TMEM41B: variants seen among roughly 807,000 people sequenced by gnomAD.
The protein encoded by TMEM41B is protein stasimon.
Under a neutral mutation model 31.9 loss-of-function variants are expected in TMEM41B, and 18 were observed. The observed-to-expected ratio is 0.56, with a 90% confidence interval of 0.39 to 0.84. The LOEUF is 0.84. TMEM41B is among the 40% of genes least tolerant of loss of function. TMEM41B has a pLI of 0.00. For synonymous variants in TMEM41B, 144 were observed against 124.3 expected, an observed-to-expected ratio of 1.16 and a Z score of -1.05; for missense variants, 322 against 348.0, an observed-to-expected ratio of 0.93 and a Z score of 0.59.
chr11:9,299,812 T>C (rs2133633258), intron 1 of TMEM41B, 111 bp from the exon 2 acceptor site: 1 of 818,972 alleles, frequency 1.2e-6, no homozygotes, highest in Non-Finnish European at 2.0e-6. Context: ...TTGCCTAAAA[T>C]GATGTGACAT....
chr11:9,303,982 G>A (rs1298656514), intron 1 of TMEM41B, among the ~76,000 whole-genome samples: 1 of 151,988 alleles, frequency 6.6e-6, no homozygotes, highest in Non-Finnish European at 1.5e-5. Context: ...ATCAGTCCCT[G>A]TTATTCTAAC....
intron 1 of TMEM41B, among the ~76,000 whole-genome samples, chr11:9,305,712 C>G (rs113926498): frequency 9.6e-4 from 146 of 152,254 alleles, no homozygotes; most frequent in Non-Finnish European, 1.3e-3. Context: ...AATTAACTTG[C>G]CCCAGCCCAG....
intron 1 of TMEM41B, among the ~76,000 whole-genome samples, chr11:9,303,486 T>A (rs1034639002): frequency 2.6e-5 from 4 of 152,072 alleles, no homozygotes; most frequent in Non-Finnish European, 4.4e-5. Flanking sequence ...TAATTTCTGT[T>A]GAAATAAGAA....
At chr11:9,292,643 C>A (rs1032439948) in intron 3 of TMEM41B, among the ~76,000 whole-genome samples, 3 of 151,932 alleles carry the variant, frequency 2.0e-5, no homozygotes, top group African/African-American at 7.2e-5. Flanking sequence ...CCAGCCTGGG[C>A]AACATGATGA....
intron 3 of TMEM41B, among the ~76,000 whole-genome samples, chr11:9,293,669 C>G (rs962060031): frequency 7.2e-5 from 11 of 152,220 alleles, no homozygotes; most frequent in East Asian, 3.9e-4. Context: ...GCAACCTCCA[C>G]CTCCTGGGTT....
intron 2 of TMEM41B, among the ~76,000 whole-genome samples, chr11:9,299,339 C>CACACACACACACACACACAA (rs1406068782): frequency 7.0e-6 from 1 of 143,238 alleles, no homozygotes; most frequent in African/African-American, 2.6e-5. Flanking sequence ...CACACACACA[C>CACACACACACACACACACAA]ACACACGTGT....
intron 1 of TMEM41B, among the ~76,000 whole-genome samples, chr11:9,304,259 A>C (rs909739583): frequency 2.2e-4 from 33 of 152,306 alleles, no homozygotes; most frequent in African/African-American, 7.5e-4. Flanking sequence ...GAATCTTGTA[A>C]TAACAAATAC....
At chr11:9,296,704 AAAT>A (rs1853098062) in intron 2 of TMEM41B, among the ~76,000 whole-genome samples, 1 of 152,190 alleles carries the variant, frequency 6.6e-6, no homozygotes, top group South Asian at 2.1e-4. Flanking sequence ...ATGATAAACT[AAAT>A]AATAATTTAC....
rs996199918 is a variant in TMEM41B, at chr11:9,287,839, A to G, written c.463-33T>C. The G allele has an allele frequency of 5.3e-6, 8 of 1,511,118 alleles. No individual in the cohort carries two copies. In the Admixed American group the frequency reaches 1.5e-4, roughly 28 times the overall value. The allele number at this position is 1,511,118 out of a possible 1,614,324, so 93.6% of individuals were successfully genotyped here. On this transcript the variant is annotated intron_variant, in intron 4 of 6. Transcript: ENST00000528080. ...ACAAAAGAAGCCATAAGCGTTTTGTATTTTTCCGTCTTACTCACATTGATT... is the reference window on the plus strand; with the variant it reads ...ACAAAAGAAGCCATAAGCGTTTTGTGTTTTTCCGTCTTACTCACATTGATT...
intron 1 of TMEM41B, among the ~76,000 whole-genome samples, chr11:9,305,276 A>G (rs1346856932): frequency 6.6e-6 from 1 of 152,152 alleles, no homozygotes; most frequent in Non-Finnish European, 1.5e-5. Context: ...CAAGTAGTGT[A>G]TATTTTTTCA....
At chr11:9,291,568 A>G (rs1852960705) in intron 3 of TMEM41B, among the ~76,000 whole-genome samples, 1 of 150,672 alleles carries the variant, frequency 6.6e-6, no homozygotes, top group Admixed American at 6.6e-5. Flanking sequence ...CGCCCAGCTA[A>G]TTTTTTTTAT....
At chr11:9,297,424 T>A (rs761354955) in intron 2 of TMEM41B, among the ~76,000 whole-genome samples, 1 of 152,138 alleles carries the variant, frequency 6.6e-6, no homozygotes, top group Non-Finnish European at 1.5e-5. Flanking sequence ...CTGGGCGCAG[T>A]GGCCTAGGCC....
chr11:9,306,339 C>T (rs1853395331), intron 1 of TMEM41B, among the ~76,000 whole-genome samples: 1 of 151,986 alleles, frequency 6.6e-6, no homozygotes, highest in South Asian at 2.1e-4. Flanking sequence ...TCTGAATTAC[C>T]CTATTATGTG....
chr11:9,313,186 A>AT (rs1250024408), intron 1 of TMEM41B, among the ~76,000 whole-genome samples: 2 of 152,240 alleles, frequency 1.3e-5, no homozygotes, highest in Non-Finnish European at 1.5e-5. Context: ...TGATTTATAC[A>AT]TTAACAACGA....
rs1269393906 is a variant in TMEM41B at position 9,299,304 on chromosome 11, AAG to A, written c.239+278_239+279del. 4.0e-3 allele frequency among the ~76,000 whole-genome samples: 453 copies of A among 112,854 alleles called. 5 individuals carry two copies. Among genetic ancestry groups the A allele is most frequent in the Non-Finnish European group, 6.7e-3 (367 of 55,176 alleles). 74.0% of individuals were successfully genotyped at this position (112,854 alleles called of 152,430 possible). A position where few individuals can be genotyped will look rare whatever the true frequency, so the allele number is the denominator to read the frequency against. The stretch of plus-strand genomic sequence containing the variant: ...TCTCAAAAAAAAAAAAAAAAAAAAA[AAG>A]AAAGTATATATACATACATACACAC... On this transcript the variant is annotated intron_variant, in intron 2 of 6. Coordinates refer to ENST00000528080, the MANE Select transcript of TMEM41B (RefSeq NM_015012.4).
At chr11:9,296,363 C>T (rs1350328107) in intron 2 of TMEM41B, among the ~76,000 whole-genome samples, 3 of 151,824 alleles carry the variant, frequency 2.0e-5, no homozygotes, top group Admixed American at 6.6e-5. Context: ...TGGTGGCTCA[C>T]GCCTGTAACC....
intron 1 of TMEM41B, among the ~76,000 whole-genome samples, chr11:9,310,655 CTTTTTT>C (rs36061977): frequency 3.7e-5 from 4 of 109,162 alleles, no homozygotes; most frequent in South Asian, 3.2e-4. Flanking sequence ...GTTAAGAGCC[CTTTTTT>C]TTTTTTTTTT....
rs747387893 is a variant in TMEM41B, at chr11:9,283,444, GT to G, written c.855del (p.Lys285AsnfsTer2). 1.6e-5 allele frequency: 26 copies of G among 1,600,164 alleles called. No homozygotes were observed. Among genetic ancestry groups the G allele is most frequent in the Admixed American group, 1.2e-4 (7 of 56,608 alleles). On this transcript the variant is annotated frameshift_variant, in exon 7 of 7. Transcript: ENST00000528080. LOFTEE classifies it high-confidence loss of function. ...TATTTTTACTCAAATTTCTGCTTTA[GT>G]TTTTTTTGGAAGATGGCTGGCAGAA... is the stretch of plus-strand genomic sequence containing the variant. ...LSILPAIFQK[K>X]LKQKFE
chr11:9,306,453 C>T (rs909622333), intron 1 of TMEM41B, among the ~76,000 whole-genome samples: 2 of 151,860 alleles, frequency 1.3e-5, no homozygotes, highest in African/African-American at 2.4e-5. Context: ...GAGGTCGAGG[C>T]GGTCGGATCA....
Sources: allele counts gnomAD v4.1 joint callset (sites outside exome capture counted in the v4.1 genomes callset), GRCh38; gene constraint gnomAD v4.1.1; transcripts MANE v1.5; gene names NCBI Gene and HGNC (gene_info 2026-07-23, HGNC 2026-07-21).